Variants in EHHADH observed in about 807,000 individuals in gnomAD.
EHHADH encodes the protein enoyl-CoA hydratase and 3-hydroxyacyl CoA dehydrogenase.
Under a neutral mutation model 64.4 loss-of-function variants are expected in EHHADH, and 48 were observed. The ratio of observed to expected loss-of-function variants is 0.75; its 90% CI spans 0.59 to 0.95. The LOEUF (loss-of-function observed/expected upper bound fraction) is 0.95. EHHADH is among the 40% of genes least tolerant of loss of function. EHHADH has a pLI of 0.00. For synonymous variants in EHHADH, 308 were observed against 326.7 expected, an observed-to-expected ratio of 0.94 and a Z score of 0.62; for missense variants, 854 against 876.6, an observed-to-expected ratio of 0.97 and a Z score of 0.33.
At chr3:185,224,791 C>T (rs1050586801) in intron 4 of EHHADH, among the ~76,000 whole-genome samples, 1 of 152,188 alleles carries the variant, frequency 6.6e-6, no homozygotes, top group African/African-American at 2.4e-5. Context: ...GTGACCTCTC[C>T]TGCCATCTTC....
intron 1 of EHHADH, 193 bp downstream of exon 1, chr3:185,253,755 CT>C (rs1255483277): frequency 5.0e-6 from 6 of 1,192,220 alleles, no homozygotes; most frequent in African/African-American, 2.0e-5. Context: ...CCAAGCTAAT[CT>C]AGGTTAAAAA....
Position 185,204,104 on chromosome 3 carries a change from G to A in EHHADH, c.910+312C>T, listed in dbSNP as rs938281660. 2.7e-4 allele frequency among the ~76,000 whole-genome samples: 36 copies of A among 133,068 alleles called. 1 individual carries two copies. Among genetic ancestry groups the A allele is most frequent in the African/African-American group, 1.0e-3 (34 of 34,148 alleles). 87.3% of individuals were successfully genotyped at this position (133,068 alleles called of 152,430 possible). A position where few individuals can be genotyped will look rare whatever the true frequency, so the allele number is the denominator to read the frequency against. ...ACCGAGATTGAGCCACTCCACTCCT[G>A]CCTGGGTGACAGAACAAGACTCTGT... On this transcript the variant is annotated intron_variant, in intron 6 of 6. Transcript: ENST00000231887.
At chr3:185,245,590 C>G (rs1467450851) in intron 2 of EHHADH, 2 of 759,872 alleles carry the variant, frequency 2.6e-6, no homozygotes, top group Admixed American at 4.2e-5. Flanking sequence ...TGTCCTTCTG[C>G]AGGATTGTGT....
intron 6 of EHHADH, among the ~76,000 whole-genome samples, chr3:185,202,325 C>A (rs917657101): frequency 1.6e-5 from 2 of 124,444 alleles, no homozygotes; most frequent in South Asian, 2.6e-4. Flanking sequence ...GGTGACAGAG[C>A]GAAACTCCAT....
chr3:185,205,686 T>C (rs1182224908), intron 5 of EHHADH, among the ~76,000 whole-genome samples: 5 of 152,026 alleles, frequency 3.3e-5, no homozygotes, highest in African/African-American at 4.8e-5. Flanking sequence ...CAGTGAGAAA[T>C]GGGAAAACAA....
chr3:185,209,547 C>G (rs1413599871), intron 5 of EHHADH, among the ~76,000 whole-genome samples: 1 of 152,132 alleles, frequency 6.6e-6, no homozygotes, highest in Middle Eastern at 3.2e-3. Context: ...GGGCTTATAC[C>G]AGAGCAGTTT....
Position 185,206,905 on chromosome 3 carries a change from AC to A in EHHADH, c.569-2149del, listed in dbSNP as rs199845743. ...ATACTTGTGTGGTAGTCAGAATAAC[AC>A]CCCCCCCACCAAATGTTCATGTCTT... On this transcript the variant is annotated intron_variant, in intron 5 of 6. Coordinates refer to ENST00000231887, the MANE Select transcript of EHHADH (RefSeq NM_001966.4). Among the ~76,000 whole-genome samples the A allele has an allele frequency of 4.5e-3, 669 of 148,276 alleles. 10 individuals carry two copies. Among genetic ancestry groups the A allele is most frequent in the African/African-American group, 0.015 (612 of 40,282 alleles).
At chr3:185,241,083 T>A (rs1250453005) in intron 2 of EHHADH, among the ~76,000 whole-genome samples, 1 of 152,164 alleles carries the variant, frequency 6.6e-6, no homozygotes, top group Non-Finnish European at 1.5e-5. Context: ...CTGAGTTACT[T>A]TACTTAGAAT....
At chr3:185,202,338 CAAA>C (rs35411232) in intron 6 of EHHADH, among the ~76,000 whole-genome samples, 80 of 126,224 alleles carry the variant, frequency 6.3e-4, no homozygotes, top group African/African-American at 7.9e-4. Context: ...AACTCCATAT[CAAA>C]AAAAAAAAAA....
At chr3:185,252,183 C>T (rs1298084311) in intron 1 of EHHADH, among the ~76,000 whole-genome samples, 5 of 152,076 alleles carry the variant, frequency 3.3e-5, no homozygotes, top group African/African-American at 7.2e-5. Flanking sequence ...AGGTGGATCA[C>T]GAGGTCAGGA....
Position 185,229,468 on chromosome 3 carries a change from T to G in EHHADH, c.427A>C (p.Thr143Pro), listed in dbSNP as rs371383786. Residue 143 changes from threonine to proline, a missense_variant, in exon 4 of 7, where the codon ACT (threonine) becomes CCT (proline). Thr to Pro is a conservative substitution (Grantham distance 38, BLOSUM62 -1). Transcript: ENST00000231887. ...AAGTCAAGTGCAGCAGGAACTCCAG[T>G]GAGTCTGGGGAGAAGCTGGGTTCCT... ...ARGTQLLPRL[T>P]GVPAALDLIT... 35 of 1,568,392 alleles carry G rather than the reference T, an allele frequency of 2.2e-5. No individual in the cohort carries two copies. The highest frequency in any genetic ancestry group is 8.7e-7 in the Non-Finnish European group (1 of 1,153,234).
At chr3:185,201,559 G>A (rs900141304) in intron 6 of EHHADH, among the ~76,000 whole-genome samples, 14 of 152,158 alleles carry the variant, frequency 9.2e-5, no homozygotes, top group African/African-American at 3.4e-4. Context: ...GTGTCATGGA[G>A]TCTGTCAGAG....
At chr3:185,222,180 G>A (rs1009899858) in intron 4 of EHHADH, among the ~76,000 whole-genome samples, 2 of 152,148 alleles carry the variant, frequency 1.3e-5, no homozygotes, top group South Asian at 4.2e-4. Context: ...AGGAGTTTGA[G>A]ACCAGCCTGG....
At position 185,216,068 on chromosome 3, in the gene EHHADH, A is replaced by C. The variant is rs1718674494; in HGVS notation, c.568+2068T>G. ...GGTGCCTCAATATTTGGATGCCACCAAGTGGACAAACTGTATAATGTCGTT... is the reference window on the plus strand; with the variant it reads ...GGTGCCTCAATATTTGGATGCCACCCAGTGGACAAACTGTATAATGTCGTT... On this transcript the variant is annotated intron_variant, in intron 5 of 6. Coordinates refer to ENST00000231887, the MANE Select transcript of EHHADH (RefSeq NM_001966.4). This position sits in a 1 kb window ranked among gnomAD's most constrained non-coding sequence, Gnocchi z 5.3. 6.6e-6 allele frequency among the ~76,000 whole-genome samples: 1 copy of C among 152,238 alleles called. No individual in the cohort carries two copies.
chr3:185,240,225 T>G (rs1278763765), intron 2 of EHHADH, among the ~76,000 whole-genome samples: 3 of 110,278 alleles, frequency 2.7e-5, no homozygotes, highest in East Asian at 3.9e-4. Flanking sequence ...TTAGTTTTTG[T>G]TTTTTTTTTT....
intron 4 of EHHADH, among the ~76,000 whole-genome samples, chr3:185,221,574 T>TTC (rs1467935894): frequency 2.5e-5 from 2 of 80,212 alleles, no homozygotes; most frequent in African/African-American, 4.0e-5. Flanking sequence ...GATATTTTTT[T>TTC]TTCTTTTTTT....
chr3:185,192,402 A>C lies in EHHADH; in HGVS notation c.1996T>G (p.Tyr666Asp). 6.2e-7 allele frequency: 1 copy of C among 1,614,212 alleles called. No homozygotes were observed. The highest frequency in any genetic ancestry group is 1.1e-5 in the South Asian group (1 of 91,082). The change falls in exon 7 of 7, where the codon TAT becomes GAT. Residue 666 changes from tyrosine to aspartate, a missense_variant. By Grantham distance (160) the Tyr-to-Asp change is radical. Coordinates refer to ENST00000231887, the MANE Select transcript of EHHADH (RefSeq NM_001966.4). ...WPRHKGGPMF[Y>D]ASTVGLPTVL... ...GTGGGCAACCCAACTGTGGAAGCAT[A>C]GAACATGGGCCCGCCCTTGTGCCTT...
chr3:185,243,292 G>A (rs547339853), intron 2 of EHHADH, among the ~76,000 whole-genome samples: 72 of 152,288 alleles, frequency 4.7e-4, no homozygotes, highest in Non-Finnish European at 9.6e-4. Context: ...ATTTATTCCA[G>A]TAGTCATTCT....
At chr3:185,211,520 C>A (rs549861312) in intron 5 of EHHADH, among the ~76,000 whole-genome samples, 6 of 152,154 alleles carry the variant, frequency 3.9e-5, no homozygotes, top group Admixed American at 3.9e-4. Flanking sequence ...ACTCAACATG[C>A]GGTTCACGGA....
Sources: allele counts gnomAD v4.1 joint callset (sites outside exome capture counted in the v4.1 genomes callset), GRCh38; gene constraint gnomAD v4.1.1; non-coding constraint Gnocchi (gnomAD v3.1); transcripts MANE v1.5; gene names NCBI Gene and HGNC (gene_info 2026-07-23, HGNC 2026-07-21).